Variants in PALLD observed in about 807,000 individuals in gnomAD.
PALLD encodes the protein palladin.
A neutral mutation model predicts 123.5 loss-of-function variants in PALLD; 61 were observed. That is an observed-to-expected ratio of 0.49 (90% CI 0.40 to 0.61). PALLD has a LOEUF of 0.61. Ranked by LOEUF, PALLD falls within the 20% of genes least tolerant of loss-of-function variation. The probability of loss-of-function intolerance (pLI) is 0.00; values close to 1 mark genes in which losing one functional copy is unlikely to be tolerated. For synonymous variants in PALLD, 465 were observed against 496.4 expected (o/e 0.94, Z 0.84); for missense variants, 1,273 against 1,377.0 (o/e 0.92, Z 1.20).
chr4:168,549,493 CAATT>C (rs1200598650), intron 2 of PALLD, among the ~76,000 whole-genome samples: 2 of 152,110 alleles, frequency 1.3e-5, no homozygotes, highest in Non-Finnish European at 2.9e-5. Context: ...ATCAACTACT[CAATT>C]AATTTATTTT....
At chr4:168,778,962 A>C (rs1046122241) in intron 10 of PALLD, among the ~76,000 whole-genome samples, 2 of 152,224 alleles carry the variant, frequency 1.3e-5, no homozygotes, top group Non-Finnish European at 2.9e-5. Flanking sequence ...TCCTCCGCCA[A>C]AGAGGTCCTG....
At chr4:168,572,103 A>T (rs751646971) in intron 2 of PALLD, among the ~76,000 whole-genome samples, 4 of 152,044 alleles carry the variant, frequency 2.6e-5, no homozygotes, top group Admixed American at 6.6e-5. Context: ...CTTAGTAAGA[A>T]ATCGACTTCC....
chr4:168,542,627 A>G (rs1017142028), intron 2 of PALLD, among the ~76,000 whole-genome samples: 1 of 144,326 alleles, frequency 6.9e-6, no homozygotes, highest in Non-Finnish European at 1.5e-5. Flanking sequence ...ATGTAAAGCT[A>G]TATGTAAGGC....
intron 10 of PALLD, chr4:168,833,079 C>T (rs865795253): frequency 6.6e-6 from 1 of 152,650 alleles, no homozygotes; most frequent in Non-Finnish European, 1.5e-5. Flanking sequence ...GGCCCCGCCC[C>T]GGGGCTGGGG....
intron 2 of PALLD, among the ~76,000 whole-genome samples, chr4:168,662,708 C>T (rs780652535): frequency 5.9e-5 from 9 of 152,116 alleles, no homozygotes; most frequent in Non-Finnish European, 1.3e-4. Context: ...CAACAGATCT[C>T]CTCCCATTTA....
intron 10 of PALLD, among the ~76,000 whole-genome samples, chr4:168,820,942 A>G (rs1168077181): frequency 6.6e-6 from 1 of 152,218 alleles, no homozygotes; most frequent in Admixed American, 6.5e-5. Context: ...ATTATTTATT[A>G]AGTGAGGATC....
intron 11 of PALLD, among the ~76,000 whole-genome samples, chr4:168,891,878 G>A (rs1220233333): frequency 6.6e-6 from 1 of 152,116 alleles, no homozygotes; most frequent in East Asian, 1.9e-4. Flanking sequence ...AACCATTGGG[G>A]AAGTTCTGTT....
At chr4:168,644,912 G>A (rs1561342198) in intron 2 of PALLD, among the ~76,000 whole-genome samples, 1 of 152,142 alleles carries the variant, frequency 6.6e-6, no homozygotes, top group East Asian at 1.9e-4. Context: ...AGACCAGCCT[G>A]GCCAATATGG....
At chr4:168,532,459 A>G (rs1764693139) in intron 2 of PALLD, among the ~76,000 whole-genome samples, 1 of 152,254 alleles carries the variant, frequency 6.6e-6, no homozygotes, top group South Asian at 2.1e-4. Context: ...GAATAGGACC[A>G]ATCCAAGAAG....
intron 2 of PALLD, among the ~76,000 whole-genome samples, chr4:168,635,387 GC>G (rs1372219068): frequency 6.6e-6 from 1 of 152,176 alleles, no homozygotes; most frequent in Non-Finnish European, 1.5e-5. Flanking sequence ...GTGAGACTAA[GC>G]AGCCATCTCC....
chr4:168,802,870 G>A (rs1739556305), intron 10 of PALLD, among the ~76,000 whole-genome samples: 1 of 152,066 alleles, frequency 6.6e-6, no homozygotes, highest in African/African-American at 2.4e-5. Flanking sequence ...TTATAGTAGA[G>A]TAGTAGAGAC....
intron 10 of PALLD, among the ~76,000 whole-genome samples, chr4:168,878,693 G>T (rs1384108476): frequency 6.8e-6 from 1 of 146,984 alleles, no homozygotes. Context: ...GGGGGGGGGG[G>T]TGCTTAGCTA....
At chr4:168,720,797 A>G (rs1785935924) in intron 10 of PALLD, among the ~76,000 whole-genome samples, 1 of 152,212 alleles carries the variant, frequency 6.6e-6, no homozygotes, top group African/African-American at 2.4e-5. Context: ...ATCACTTTGC[A>G]AACAACCCTT....
intron 17 of PALLD, among the ~76,000 whole-genome samples, chr4:168,921,297 C>T (rs957245980): frequency 1.3e-5 from 2 of 150,702 alleles, no homozygotes; most frequent in Admixed American, 6.6e-5. Context: ...ATCCCAGCTA[C>T]TCAGGAGGCT....
intron 2 of PALLD, among the ~76,000 whole-genome samples, chr4:168,544,710 T>C (rs1359187568): frequency 2.0e-5 from 3 of 152,244 alleles, no homozygotes; most frequent in Non-Finnish European, 2.9e-5. Flanking sequence ...TCTTATTTCC[T>C]AGTTTATTCA....
chr4:168,512,471 T>C (rs1201606381), intron 2 of PALLD, 59 bp downstream of exon 2: 1 of 1,441,074 alleles, frequency 6.9e-7, no homozygotes, highest in East Asian at 2.3e-5. Flanking sequence ...GTTACTTTAA[T>C]ATGGGAGGAA....
rs543529753 is a variant in PALLD, at chr4:168,565,046, C to T, written c.908+52634C>T. Reference sequence around the variant, plus strand: ...ACCAAAAAAAAAAAAAAAAAAAATTCGCTGGGCATGGTGGCACATGCCTGT... The same window carrying T: ...ACCAAAAAAAAAAAAAAAAAAAATTTGCTGGGCATGGTGGCACATGCCTGT... On this transcript the variant is annotated intron_variant, in intron 2 of 21. Coordinates refer to ENST00000505667, the MANE Select transcript of PALLD (RefSeq NM_001166108.2). Among the ~76,000 whole-genome samples, 385 of 146,682 alleles carry T rather than the reference C, an allele frequency of 2.6e-3. 3 individuals carry two copies. Among genetic ancestry groups the T allele is most frequent in the African/African-American group, 8.6e-3 (341 of 39,654 alleles).
intron 2 of PALLD, among the ~76,000 whole-genome samples, chr4:168,581,460 A>G (rs1197095107): frequency 2.0e-5 from 3 of 152,050 alleles, no homozygotes; most frequent in Non-Finnish European, 2.9e-5. Flanking sequence ...GTGTGAGGTC[A>G]TATTTCATTG....
At chr4:168,630,496 C>G (rs1316396126) in intron 2 of PALLD, among the ~76,000 whole-genome samples, 1 of 152,164 alleles carries the variant, frequency 6.6e-6, no homozygotes, top group African/African-American at 2.4e-5. Flanking sequence ...TAAATACGAA[C>G]TAAAGATATA....
Sources: allele counts gnomAD v4.1 joint callset (sites outside exome capture counted in the v4.1 genomes callset), GRCh38; gene constraint gnomAD v4.1.1; transcripts MANE v1.5; gene names NCBI Gene and HGNC (gene_info 2026-07-23, HGNC 2026-07-21).